The following P3H1 variants were observed in gnomAD, a reference collection of about 807,000 sequenced individuals.
P3H1 encodes prolyl 3-hydroxylase 1.
P3H1 carries 69 observed loss-of-function variants against 84.0 expected under a neutral mutation model. That is an observed-to-expected ratio of 0.82 (90% CI 0.68 to 1.00). P3H1 has a LOEUF of 1.00. Ranked by LOEUF, P3H1 falls within the 50% of genes least tolerant of loss-of-function variation. The probability of loss-of-function intolerance (pLI) is 0.00; values close to 1 mark genes in which losing one functional copy is unlikely to be tolerated. For missense variants in P3H1, 878 were observed against 962.8 expected (o/e 0.91, Z 1.17); for synonymous variants, 366 against 388.8 (o/e 0.94, Z 0.69).
In P3H1 at chr1:42,750,285, C is replaced by G. The variant is rs369552220; in HGVS notation, c.1621G>C (p.Val541Leu). The G allele has an allele frequency of 7.4e-6, 12 of 1,613,968 alleles. No individual in the cohort carries two copies. The Admixed American group carries it at 2.0e-4, about 27-fold the overall frequency. Residue 541 changes from valine to leucine, a missense_variant, in exon 11 of 15, where the codon GTG becomes CTG. Coordinates refer to ENST00000296388, the MANE Select transcript of P3H1 (RefSeq NM_022356.4). ...PLQSAHLYYNVTEKVRRIMES... is the reference protein window; with the variant it reads ...PLQSAHLYYNLTEKVRRIMES... ...ATGATGCGCCGCACCTTCTCCGTCA[C>G]GTTGTAGTACAGGTGGGCACTCTGC...
intron 11 of P3H1, 198 bp from the exon 12 acceptor site, chr1:42,748,515 G>A: frequency 1.6e-6 from 1 of 624,890 alleles, no homozygotes; most frequent in Non-Finnish European, 2.9e-6. Context: ...CTTGGCAGAA[G>A]TGAGCAGGGT....
intron 7 of P3H1, 24 bp from the exon 8 acceptor site, chr1:42,755,014 A>C: frequency 6.2e-7 from 1 of 1,614,046 alleles, no homozygotes; most frequent in Non-Finnish European, 8.5e-7. Flanking sequence ...CGCTCTGAGG[A>C]CTGCATTCCA....
At chr1:42,764,411 G>A (rs1429861288) in intron 1 of P3H1, among the ~76,000 whole-genome samples, 4 of 130,590 alleles carry the variant, frequency 3.1e-5, no homozygotes, top group Admixed American at 2.7e-4. Context: ...TGGCAACAGC[G>A]AGACTCCATC....
At chr1:42,759,770 C>T (rs772650041) in intron 2 of P3H1, among the ~76,000 whole-genome samples, 14 of 151,640 alleles carry the variant, frequency 9.2e-5, no homozygotes, top group East Asian at 5.9e-4. Context: ...TTAGTAAAGA[C>T]GGGGTTTCAC....
At chr1:42,756,531 A>C (rs141853234) in intron 5 of P3H1, 1 of 154,544 alleles carries the variant, frequency 6.5e-6, no homozygotes, top group Non-Finnish European at 1.5e-5. Flanking sequence ...AGGCAGTTCA[A>C]GGAGGAATTA....
In P3H1 at chr1:42,757,859, T is replaced by C; in HGVS notation, c.1004A>G (p.Glu335Gly). The C allele has an allele frequency of 9.3e-6, 15 of 1,614,208 alleles. No individual in the cohort carries two copies. The highest frequency in any genetic ancestry group is 1.3e-5 in the Non-Finnish European group (15 of 1,180,032). ...KTYLLFFPND[E>G]VMNQNLAYYA... Reference sequence around the variant, plus strand: ...ATAGGCCAAATTTTGGTTCATCACCTCGTCATTGGGGAAGAAGAGAAGATA... The same window carrying C: ...ATAGGCCAAATTTTGGTTCATCACCCCGTCATTGGGGAAGAAGAGAAGATA... The change falls in exon 5 of 15, where the codon GAG (glutamate) becomes GGG (glycine). Residue 335 changes from glutamate (E) to glycine (G), a missense_variant. Physicochemically the swap from Glu to Gly is moderately conservative, Grantham distance 98. Transcript: ENST00000296388.
intron 2 of P3H1, among the ~76,000 whole-genome samples, chr1:42,759,690 T>C (rs1652600347): frequency 6.6e-6 from 1 of 152,004 alleles, no homozygotes; most frequent in Non-Finnish European, 1.5e-5. Flanking sequence ...ACCTCCTGGG[T>C]TCAAGTGATT....
At chr1:42,766,380 T>G in intron 1 of P3H1, 127 bp downstream of exon 1, 1 of 837,618 alleles carries the variant, frequency 1.2e-6, no homozygotes, top group Non-Finnish European at 1.9e-6. Context: ...CGAGGAGAGC[T>G]CCCCAGCCAG....
At chr1:42,756,809 T>C (rs542064323) in intron 5 of P3H1, among the ~76,000 whole-genome samples, 1 of 152,352 alleles carries the variant, frequency 6.6e-6, no homozygotes, top group South Asian at 2.1e-4. Flanking sequence ...CACCACTGAC[T>C]GGCCACAAGC....
chr1:42,757,475 G>C (rs1037044107), intron 5 of P3H1, among the ~76,000 whole-genome samples: 4 of 152,162 alleles, frequency 2.6e-5, no homozygotes, highest in African/African-American at 9.7e-5. Flanking sequence ...AAATAATATC[G>C]AGTGTCCAAG....
chr1:42,760,922 G>A (rs1652675604), intron 2 of P3H1: 1 of 151,764 alleles, frequency 6.6e-6, no homozygotes, highest in South Asian at 2.1e-4. Flanking sequence ...CAAAGTGCTG[G>A]GATGACAGGT....
intron 4 of P3H1, 65 bp from the exon 5 acceptor site, chr1:42,757,987 C>T (rs1652498637): frequency 1.4e-6 from 2 of 1,444,614 alleles, no homozygotes; most frequent in Admixed American, 1.7e-5. Context: ...AATCCTAGCA[C>T]CAGGGACCAC....
rs752101631 is a variant in P3H1 at position 42,754,874 on chromosome 1, C to T, written c.1340G>A (p.Arg447Gln). The T allele has an allele frequency of 2.2e-5, 36 of 1,614,034 alleles. No individual in the cohort carries two copies. The South Asian group carries it at 2.6e-4, about 12-fold the overall frequency. Residue 447 changes from arginine to glutamine, a missense_variant, in exon 8 of 15, where the codon CGG becomes CAG. Physicochemically the swap from Arg to Gln is conservative, Grantham distance 43 (BLOSUM62 1). Coordinates refer to ENST00000296388, the MANE Select transcript of P3H1 (RefSeq NM_022356.4). This position sits in a 1 kb window ranked among gnomAD's most constrained non-coding sequence, Gnocchi z 4.0. ...CCCTATTTCTGTCCTCTCACCTTCC[C>T]GGGTCAGTCTGCTCACATCCAGTGA... is the stretch of plus-strand genomic sequence containing the variant. ...KESLDVSRLTREGGPLLYEGI... is the reference protein window; with the variant it reads ...KESLDVSRLTQEGGPLLYEGI...
rs199757809 is a variant in P3H1 at position 42,755,118 on chromosome 1, T to C, written c.1223+47A>G. 20 of 1,611,466 alleles carry C rather than the reference T, an allele frequency of 1.2e-5. No homozygotes were observed. The Admixed American group carries it at 3.3e-4, about 27-fold the overall frequency. ...CTGCCTGGGCTCAGGAAGCCTCAAG[T>C]GCTTCATCAGACTGATCCAACCATG... On this transcript the variant is annotated intron_variant, in intron 7 of 14. Transcript: ENST00000296388.
At chr1:42,759,441 T>C in intron 2 of P3H1, 51 bp from the exon 3 acceptor site, 1 of 1,556,096 alleles carries the variant, frequency 6.4e-7, no homozygotes, top group Non-Finnish European at 8.8e-7. Flanking sequence ...AGGAACCCTC[T>C]CTCCTTGCCC....
chr1:42,759,740 G>A (rs1652603893), intron 2 of P3H1, among the ~76,000 whole-genome samples: 1 of 150,750 alleles, frequency 6.6e-6, no homozygotes, highest in African/African-American at 2.4e-5. Flanking sequence ...ATTACATTGT[G>A]CCCAGCTAAT....
At position 42,752,734 on chromosome 1, in the gene P3H1, G is replaced by T. The variant is rs1247567099; in HGVS notation, c.1346-70C>A. 5.0e-6 allele frequency: 8 copies of T among 1,584,480 alleles called. No individual in the cohort carries two copies. The East Asian group carries it at 1.8e-4, about 35-fold the overall frequency. ...GACCAAAGACTCTCCATTGGATATT[G>T]CCTCCTCGTCACAAATAGAAATTCC... On this transcript the variant is annotated intron_variant, in intron 8 of 14. Transcript: ENST00000296388.
intron 8 of P3H1, among the ~76,000 whole-genome samples, 159 bp from the exon 9 acceptor site, chr1:42,752,823 A>T (rs1557566273): frequency 6.6e-6 from 1 of 152,222 alleles, no homozygotes; most frequent in Non-Finnish European, 1.5e-5. Flanking sequence ...AATAGTCCAG[A>T]GGACAGAACA....
intron 12 of P3H1, 151 bp downstream of exon 12, chr1:42,748,049 T>C: frequency 1.4e-6 from 1 of 692,620 alleles, no homozygotes; most frequent in Non-Finnish European, 2.5e-6. Flanking sequence ...TATCTTCTTA[T>C]CCAGCGGGTT....
Sources: allele counts gnomAD v4.1 joint callset (sites outside exome capture counted in the v4.1 genomes callset), GRCh38; gene constraint gnomAD v4.1.1; non-coding constraint Gnocchi (gnomAD v3.1); transcripts MANE v1.5; gene names NCBI Gene and HGNC (gene_info 2026-07-23, HGNC 2026-07-21).